Variants in FRMD5 observed in about 807,000 individuals in gnomAD.
FRMD5 encodes FERM domain containing 5, also known as FERM domain-containing protein 5.
FRMD5 carries 20 observed loss-of-function variants against 69.0 expected under a neutral mutation model. That is an observed-to-expected ratio of 0.29 (90% CI 0.20 to 0.42). The LOEUF (loss-of-function observed/expected upper bound fraction) is 0.42, where lower values mean the gene tolerates loss of function less well. Among genes scored for constraint, FRMD5 ranks in the 10% least tolerant of loss-of-function variants. The pLI is 1.00. For missense variants in FRMD5, 595 were observed against 708.6 expected, an observed-to-expected ratio of 0.84 and a Z score of 1.82; for synonymous variants, 271 against 260.1, an observed-to-expected ratio of 1.04 and a Z score of -0.40.
At chr15:43,901,409 G>C (rs539754714) in intron 7 of FRMD5, among the ~76,000 whole-genome samples, 1 of 152,282 alleles carries the variant, frequency 6.6e-6, no homozygotes, top group East Asian at 1.9e-4. Flanking sequence ...TCCTGTTCCT[G>C]GCTGATACTG....
intron 1 of FRMD5, among the ~76,000 whole-genome samples, chr15:44,182,687 A>G (rs569104064): frequency 1.1e-4 from 16 of 152,286 alleles, no homozygotes; most frequent in African/African-American, 3.9e-4. Flanking sequence ...CACATCTACA[A>G]TCAACATATA....
chr15:44,194,837 C>T lies in FRMD5; in HGVS notation c.102+116G>A, dbSNP rs1226771422. 3.3e-6 allele frequency: 3 copies of T among 910,080 alleles called. No individual in the cohort carries two copies. The African/African-American group carries it at 5.0e-5, about 15-fold the overall frequency. The allele number at this position is 910,080 out of a possible 1,614,324, so 56.4% of individuals were successfully genotyped here. A position where few individuals can be genotyped will look rare whatever the true frequency, so the allele number is the denominator to read the frequency against. On this transcript the variant is annotated intron_variant, in intron 1 of 13. Transcript: ENST00000417257. ...GCGGTCCGCCGCAACCAGGAACGGACAAAGCACGGCGCTGGGGCTGGGGCG... is the reference window on the plus strand; with the variant it reads ...GCGGTCCGCCGCAACCAGGAACGGATAAAGCACGGCGCTGGGGCTGGGGCG...
intron 1 of FRMD5, among the ~76,000 whole-genome samples, chr15:44,148,529 C>T (rs1021383190): frequency 1.3e-5 from 2 of 152,168 alleles, no homozygotes; most frequent in Non-Finnish European, 2.9e-5. Flanking sequence ...CCTCGGCCTC[C>T]CAAAGTGCTG....
At chr15:43,876,386 A>T (rs1325940214) in intron 13 of FRMD5, 1 of 749,460 alleles carries the variant, frequency 1.3e-6, no homozygotes, top group Non-Finnish European at 2.4e-6. Context: ...GAGGGCTTTA[A>T]GAGGCAGGAA....
intron 13 of FRMD5, chr15:43,876,366 C>CT (rs1208892728): frequency 6.3e-6 from 5 of 791,946 alleles, no homozygotes; most frequent in Non-Finnish European, 8.8e-6. Flanking sequence ...TCAAGTCTGC[C>CT]TGTTGGGTGG....
intron 9 of FRMD5, 95 bp downstream of exon 9, chr15:43,888,714 C>G: frequency 9.9e-7 from 1 of 1,010,150 alleles, no homozygotes; most frequent in Non-Finnish European, 1.5e-6. Flanking sequence ...ATGTGGGTAG[C>G]TTGGCTCTAC....
intron 7 of FRMD5, among the ~76,000 whole-genome samples, chr15:43,895,610 A>C (rs1213202644): frequency 6.6e-6 from 1 of 152,242 alleles, no homozygotes; most frequent in East Asian, 1.9e-4. Flanking sequence ...CACCTTGAAC[A>C]ATCCCAATTG....
chr15:44,162,238 A>G (rs2077627760), intron 1 of FRMD5, among the ~76,000 whole-genome samples: 1 of 147,040 alleles, frequency 6.8e-6, no homozygotes, highest in Admixed American at 6.8e-5. Flanking sequence ...TGCTGGGATT[A>G]CAGGTGTGAG....
intron 1 of FRMD5, among the ~76,000 whole-genome samples, chr15:44,000,622 G>A (rs1193413180): frequency 1.3e-5 from 2 of 152,074 alleles, no homozygotes; most frequent in Admixed American, 6.6e-5. Context: ...ACCACACCCA[G>A]CTAATTTTTG....
At chr15:44,123,429 G>A (rs1000191379) in intron 1 of FRMD5, among the ~76,000 whole-genome samples, 11 of 151,956 alleles carry the variant, frequency 7.2e-5, no homozygotes, top group South Asian at 6.2e-4. Context: ...TACTATTTTC[G>A]TATATAAACA....
At chr15:43,903,607 C>G (rs2089100116) in intron 6 of FRMD5, among the ~76,000 whole-genome samples, 1 of 152,220 alleles carries the variant, frequency 6.6e-6, no homozygotes, top group South Asian at 2.1e-4. Context: ...TCTGCATCCA[C>G]TAGTGTACCT....
intron 1 of FRMD5, among the ~76,000 whole-genome samples, chr15:44,164,250 C>A (rs957845179): frequency 6.6e-6 from 1 of 152,194 alleles, no homozygotes; most frequent in Non-Finnish European, 1.5e-5. Context: ...CCTACTTGAT[C>A]ATGGTACATT....
intron 1 of FRMD5, among the ~76,000 whole-genome samples, chr15:44,052,936 T>C (rs1035984123): frequency 1.3e-5 from 2 of 152,144 alleles, no homozygotes; most frequent in African/African-American, 4.8e-5. Flanking sequence ...AGGGAGTCCA[T>C]GGTCTGGTAA....
At chr15:43,897,842 T>C (rs772781060) in intron 7 of FRMD5, among the ~76,000 whole-genome samples, 12 of 152,028 alleles carry the variant, frequency 7.9e-5, no homozygotes, top group Admixed American at 1.3e-4. Flanking sequence ...CATGGGGCAG[T>C]TTCCCCATGC....
At chr15:44,099,130 T>C (rs1181642626) in intron 1 of FRMD5, among the ~76,000 whole-genome samples, 1 of 152,212 alleles carries the variant, frequency 6.6e-6, no homozygotes, top group Non-Finnish European at 1.5e-5. Flanking sequence ...CATCAATATG[T>C]TGTAGTTCTA....
At chr15:44,149,969 G>A (rs1029772101) in intron 1 of FRMD5, among the ~76,000 whole-genome samples, 11 of 152,048 alleles carry the variant, frequency 7.2e-5, no homozygotes, top group Admixed American at 4.6e-4. Flanking sequence ...ACATAACCAA[G>A]TTAGATTTTT....
chr15:44,182,450 C>G (rs574360853), intron 1 of FRMD5, among the ~76,000 whole-genome samples: 4 of 151,794 alleles, frequency 2.6e-5, no homozygotes, highest in South Asian at 2.1e-4. Flanking sequence ...CTGCCTCAGC[C>G]TCCCAAGTAG....
intron 11 of FRMD5, 51 bp from the exon 12 acceptor site, chr15:43,884,846 G>A: frequency 6.8e-7 from 1 of 1,472,406 alleles, no homozygotes; most frequent in Non-Finnish European, 9.5e-7. Flanking sequence ...CTGTGTTGTA[G>A]GACAGCTCCT....
intron 10 of FRMD5, among the ~76,000 whole-genome samples, chr15:43,886,154 C>T (rs1029966353): frequency 6.6e-6 from 1 of 152,114 alleles, no homozygotes; most frequent in African/African-American, 2.4e-5. Context: ...TTAGCCTCAC[C>T]CTTTTTATAA....
Sources: allele counts gnomAD v4.1 joint callset (sites outside exome capture counted in the v4.1 genomes callset), GRCh38; gene constraint gnomAD v4.1.1; transcripts MANE v1.5; gene names NCBI Gene and HGNC (gene_info 2026-07-23, HGNC 2026-07-21).